The following PILRA variants were observed in gnomAD, a reference collection of about 807,000 sequenced individuals.
The protein encoded by PILRA is paired immunoglobulin-like type 2 receptor alpha.
In PILRA, 37 loss-of-function variants were observed where a neutral mutation model predicts 33.1. The ratio of observed to expected loss-of-function variants is 1.12; its 90% CI spans 0.86 to 1.47. The LOEUF (loss-of-function observed/expected upper bound fraction) is 1.47, where lower values mean the gene tolerates loss of function less well. Ranked by LOEUF, PILRA falls within the 40% of genes most tolerant of loss-of-function variation. The pLI, the probability that PILRA is intolerant of heterozygous loss-of-function variation, is 0.00. For missense variants in PILRA, 312 were observed against 376.2 expected, an observed-to-expected ratio of 0.83 and a Z score of 1.41; for synonymous variants, 146 against 149.9, an observed-to-expected ratio of 0.97 and a Z score of 0.19.
At chr7:100,385,795 A>C (rs1442923103) in intron 2 of PILRA, among the ~76,000 whole-genome samples, 2 of 151,430 alleles carry the variant, frequency 1.3e-5, no homozygotes, top group Non-Finnish European at 2.9e-5. Flanking sequence ...GCACCTGGCT[A>C]ATTTTGTATT....
At chr7:100,381,505 T>C (rs1310078548) in intron 2 of PILRA, among the ~76,000 whole-genome samples, 1 of 140,860 alleles carries the variant, frequency 7.1e-6, no homozygotes, top group Admixed American at 6.9e-5. Flanking sequence ...CAACCAAAAA[T>C]GCACCCAAGG....
At chr7:100,398,803 C>T (rs1294378492) in intron 4 of PILRA, among the ~76,000 whole-genome samples, 1 of 152,170 alleles carries the variant, frequency 6.6e-6, no homozygotes, top group Non-Finnish European at 1.5e-5. Flanking sequence ...CTAAGCCACA[C>T]AGATTGCCCC....
At chr7:100,383,520 C>T (rs371974375) in intron 2 of PILRA, among the ~76,000 whole-genome samples, 47 of 152,042 alleles carry the variant, frequency 3.1e-4, no homozygotes, top group Non-Finnish European at 6.0e-4. Context: ...TGGAAGGAGG[C>T]GGGGAAGATC....
chr7:100,382,709 CT>C (rs562017516), intron 2 of PILRA, among the ~76,000 whole-genome samples: 31 of 151,928 alleles, frequency 2.0e-4, no homozygotes, highest in Admixed American at 2.0e-3. Flanking sequence ...TGGAAAGTTT[CT>C]TTTTTTTGCT....
At chr7:100,384,412 C>CAA (rs999346902) in intron 2 of PILRA, among the ~76,000 whole-genome samples, 3 of 107,826 alleles carry the variant, frequency 2.8e-5, no homozygotes, top group Non-Finnish European at 4.0e-5. Flanking sequence ...CCGTCTCTAC[C>CAA]AAAAAAAAAA....
intron 2 of PILRA, among the ~76,000 whole-genome samples, chr7:100,387,562 C>T (rs1450930043): frequency 3.9e-5 from 6 of 152,058 alleles, no homozygotes. Flanking sequence ...TCACCCAGGC[C>T]TGGCTCAGAG....
rs767733342 is a variant in PILRA at position 100,374,146 on chromosome 7, A to G, written c.167A>G (p.Tyr56Cys). 13 of 1,613,908 alleles carry G rather than the reference A, an allele frequency of 8.1e-6. No homozygotes were observed. Among genetic ancestry groups the G allele is most frequent in the Admixed American group, 1.7e-5 (1 of 60,002 alleles). Reference protein sequence around the residue: ...GGSVEIPFSFYYPWELATAPD... With the variant: ...GGSVEIPFSFCYPWELATAPD... ...TCTGTGGAAATCCCCTTCTCCTTCT[A>G]TTACCCCTGGGAGTTAGCCACAGCT... Residue 56 changes from tyrosine to cysteine, a missense_variant, in exon 2 of 7, where the codon TAT (tyrosine) becomes TGT (cysteine). Tyr to Cys is a radical substitution (Grantham distance 194). Coordinates refer to ENST00000198536, the MANE Select transcript of PILRA (RefSeq NM_013439.3).
intron 6 of PILRA, 28 bp from the exon 7 acceptor site, chr7:100,399,757 A>G (rs1478717807): frequency 6.2e-7 from 1 of 1,610,994 alleles, no homozygotes; most frequent in Non-Finnish European, 8.5e-7. Context: ...TCCACTGTCT[A>G]ACCCTTTCTC....
intron 2 of PILRA, among the ~76,000 whole-genome samples, chr7:100,389,617 G>C (rs1221263195): frequency 1.4e-5 from 2 of 147,164 alleles, no homozygotes; most frequent in African/African-American, 5.0e-5. Flanking sequence ...AAGGAATGAA[G>C]GAAAGAAGGA....
chr7:100,373,832 C>A, intron 1 of PILRA, 112 bp downstream of exon 1: 1 of 1,446,290 alleles, frequency 6.9e-7, no homozygotes. Flanking sequence ...CACCAGGAAA[C>A]AAGGGCGGGT....
chr7:100,399,300 C>T lies in PILRA; in HGVS notation c.717C>T (p.Phe239=), dbSNP rs748338998. The T allele has an allele frequency of 1.2e-6, 2 of 1,612,292 alleles. No homozygotes were observed. Among genetic ancestry groups the T allele is most frequent in the Admixed American group, 1.7e-5 (1 of 59,896 alleles). The change falls in exon 5 of 7, where the codon TTC becomes TTT. Residue 239 remains phenylalanine (F), a synonymous_variant. Transcript: ENST00000198536. ...TKATTPAREP[F]QNTEEPYENI... ...TCTTGTTCCCATACAGGGAACCCTT[C>T]CAAAACACAGAGGAGCCATATGAGA...
At chr7:100,379,459 A>G (rs376523282) in intron 2 of PILRA, among the ~76,000 whole-genome samples, 8 of 151,874 alleles carry the variant, frequency 5.3e-5, no homozygotes, top group African/African-American at 1.9e-4. Context: ...TGAGGTCAGG[A>G]GTTCGAGACC....
intron 2 of PILRA, among the ~76,000 whole-genome samples, chr7:100,376,567 C>T (rs1397470727): frequency 6.7e-6 from 1 of 148,688 alleles, no homozygotes; most frequent in Non-Finnish European, 1.5e-5. Context: ...ACTCCAGCCT[C>T]CACCTCCCAG....
At chr7:100,377,041 G>A (rs1393460708) in intron 2 of PILRA, among the ~76,000 whole-genome samples, 1 of 151,840 alleles carries the variant, frequency 6.6e-6, no homozygotes, top group Non-Finnish European at 1.5e-5. Flanking sequence ...TAGGATACAG[G>A]CATGAGCCAC....
At chr7:100,377,231 C>CTTTTT (rs761225046) in intron 2 of PILRA, among the ~76,000 whole-genome samples, 25 of 100,944 alleles carry the variant, frequency 2.5e-4, no homozygotes, top group African/African-American at 4.5e-4. Flanking sequence ...TTTTCTATTT[C>CTTTTT]TTTTTTTTTT....
rs767733342 is a variant in PILRA, at chr7:100,374,146, A to T, written c.167A>T (p.Tyr56Phe). Residue 56 changes from tyrosine to phenylalanine, a missense_variant, in exon 2 of 7, where the codon TAT (tyrosine) becomes TTT (phenylalanine). Tyr to Phe is a conservative substitution (Grantham distance 22, BLOSUM62 3). Coordinates refer to ENST00000198536, the MANE Select transcript of PILRA (RefSeq NM_013439.3). ...TCTGTGGAAATCCCCTTCTCCTTCT[A>T]TTACCCCTGGGAGTTAGCCACAGCT... Reference protein sequence around the residue: ...GGSVEIPFSFYYPWELATAPD... With the variant: ...GGSVEIPFSFFYPWELATAPD... 3.7e-6 allele frequency: 6 copies of T among 1,613,910 alleles called. No individual in the cohort carries two copies. In the South Asian group the frequency reaches 5.5e-5, roughly 15 times the overall value.
At chr7:100,399,200 C>A in intron 4 of PILRA, 91 bp from the exon 5 acceptor site, 1 of 867,074 alleles carries the variant, frequency 1.2e-6, no homozygotes, top group Non-Finnish European at 1.9e-6. Context: ...CTCAGTCTCC[C>A]AAAGTGCTGG....
intron 3 of PILRA, 147 bp from the exon 4 acceptor site, chr7:100,397,732 C>T: frequency 1.3e-6 from 1 of 773,970 alleles, no homozygotes; most frequent in Non-Finnish European, 2.2e-6. Context: ...GGCTGAGTCC[C>T]AGGCCCTTCC....
chr7:100,392,834 C>G (rs1057377837), intron 3 of PILRA, among the ~76,000 whole-genome samples: 1 of 152,020 alleles, frequency 6.6e-6, no homozygotes, highest in African/African-American at 2.4e-5. Context: ...ATCTCCTTAC[C>G]TCATAATTTG....
Sources: allele counts gnomAD v4.1 joint callset (sites outside exome capture counted in the v4.1 genomes callset), GRCh38; gene constraint gnomAD v4.1.1; transcripts MANE v1.5; gene names NCBI Gene and HGNC (gene_info 2026-07-23, HGNC 2026-07-21).